ADK: variants seen among roughly 807,000 people sequenced by gnomAD.
ADK encodes the protein adenosine kinase, also known as N6,N6-dimethyladenosine kinase.
Under a neutral mutation model 44.7 loss-of-function variants are expected in ADK, and 24 were observed. The ratio of observed to expected loss-of-function variants is 0.54; its 90% CI spans 0.39 to 0.76. ADK has a LOEUF of 0.76. Among genes scored for constraint, ADK ranks in the 30% least tolerant of loss-of-function variants. The probability of loss-of-function intolerance (pLI) is 0.00; values close to 1 mark genes in which losing one functional copy is unlikely to be tolerated. For missense variants in ADK, 321 were observed against 425.1 expected, an observed-to-expected ratio of 0.76 and a Z score of 2.15; for synonymous variants, 128 against 142.6, an observed-to-expected ratio of 0.90 and a Z score of 0.73.
At chr10:74,161,536 T>A (rs1841898183) in intron 1 of ADK, among the ~76,000 whole-genome samples, 1 of 152,032 alleles carries the variant, frequency 6.6e-6, no homozygotes, top group African/African-American at 2.4e-5. Context: ...TAATTAATTT[T>A]TTTTTTGTTT....
At chr10:74,269,127 CT>C (rs1440873604) in intron 3 of ADK, among the ~76,000 whole-genome samples, 1 of 151,940 alleles carries the variant, frequency 6.6e-6, no homozygotes, top group Non-Finnish European at 1.5e-5. Flanking sequence ...GAAAATATTG[CT>C]TGTATTTATC....
At chr10:74,544,327 C>T (rs899014494) in intron 7 of ADK, among the ~76,000 whole-genome samples, 2 of 152,120 alleles carry the variant, frequency 1.3e-5, no homozygotes, top group Non-Finnish European at 2.9e-5. Context: ...AGTGAGTCGC[C>T]CCATCAGCAT....
At chr10:74,398,648 A>G (rs1376441819) in intron 6 of ADK, 69 bp downstream of exon 6, 9 of 800,930 alleles carry the variant, frequency 1.1e-5, no homozygotes, top group Non-Finnish European at 1.8e-5. Flanking sequence ...TGTCTGATAT[A>G]TATTTTAAAA....
chr10:74,568,363 G>A (rs1564796371), intron 7 of ADK, among the ~76,000 whole-genome samples: 1 of 152,098 alleles, frequency 6.6e-6, no homozygotes, highest in East Asian at 1.9e-4. Context: ...CAGCATCAAT[G>A]TTGAGAACTT....
chr10:74,247,224 GTTTTTTT>G (rs142274121), intron 3 of ADK, among the ~76,000 whole-genome samples: 2 of 72,004 alleles, frequency 2.8e-5, no homozygotes, highest in Non-Finnish European at 4.7e-5. Context: ...TTTTTTTTAA[GTTTTTTT>G]TTTTTTTTTT....
chr10:74,268,575 G>C (rs568866357), intron 3 of ADK, among the ~76,000 whole-genome samples: 2 of 152,090 alleles, frequency 1.3e-5, no homozygotes, highest in Non-Finnish European at 2.9e-5. Context: ...GCATATATTA[G>C]ATATTACAGA....
At chr10:74,165,538 C>A (rs1241644042) in intron 1 of ADK, among the ~76,000 whole-genome samples, 1 of 149,862 alleles carries the variant, frequency 6.7e-6, no homozygotes, top group Non-Finnish European at 1.5e-5. Context: ...CAAGTACTTT[C>A]ACTTACATTT....
chr10:74,708,224 T>G, intron 10 of ADK, 97 bp from the exon 11 acceptor site: 5 of 1,340,966 alleles, frequency 3.7e-6, no homozygotes, highest in Non-Finnish European at 5.2e-6. Flanking sequence ...GGCTGAAGAA[T>G]GAGACAGGTG....
intron 1 of ADK, among the ~76,000 whole-genome samples, chr10:74,171,783 ACTCT>A (rs1271328951): frequency 1.4e-5 from 2 of 138,452 alleles, no homozygotes; most frequent in African/African-American, 2.8e-5. Context: ...CTCAGCGCTC[ACTCT>A]CTTTCTGTCT....
chr10:74,673,715 C>T (rs573024111), intron 10 of ADK, among the ~76,000 whole-genome samples: 1 of 152,302 alleles, frequency 6.6e-6, no homozygotes, highest in African/African-American at 2.4e-5. Context: ...ACACTCATGG[C>T]ACCCGAGTTC....
chr10:74,320,320 A>C (rs930168222), intron 4 of ADK, among the ~76,000 whole-genome samples: 4 of 152,160 alleles, frequency 2.6e-5, no homozygotes, highest in Admixed American at 2.0e-4. Flanking sequence ...TCTGATGAGA[A>C]TTAGTTCTTA....
intron 6 of ADK, among the ~76,000 whole-genome samples, chr10:74,409,610 C>T (rs796177465): frequency 6.6e-6 from 1 of 152,016 alleles, no homozygotes; most frequent in Admixed American, 6.6e-5. Context: ...TTATTTATAA[C>T]TCTGTCTTGA....
At position 74,321,083 on chromosome 10, in the gene ADK, G is replaced by A. The variant is rs140187347; in HGVS notation, c.273+6338G>A. Among the ~76,000 whole-genome samples, 188 of 152,018 alleles carry A rather than the reference G, an allele frequency of 1.2e-3. 1 individual carries two copies. The highest frequency in any genetic ancestry group is 3.5e-3 in the African/African-American group (147 of 41,446). On this transcript the variant is annotated intron_variant, in intron 4 of 10. Coordinates refer to ENST00000539909, the MANE Select transcript of ADK (RefSeq NM_006721.4). ...GTATTTCTATTTAAGTTGTAAGTTC[G>A]CTTGTTTTTAAGCTTCCTGCAATTT...
At chr10:74,248,481 C>T (rs1845517426) in intron 3 of ADK, among the ~76,000 whole-genome samples, 1 of 152,058 alleles carries the variant, frequency 6.6e-6, no homozygotes, top group Admixed American at 6.5e-5. Flanking sequence ...GCCTTTGCCT[C>T]CCGAGTAGCT....
chr10:74,223,262 CTTCTT>C (rs1208733188), intron 2 of ADK, among the ~76,000 whole-genome samples: 1 of 152,076 alleles, frequency 6.6e-6, no homozygotes, highest in Non-Finnish European at 1.5e-5. Flanking sequence ...GGTCTCTTCT[CTTCTT>C]TTAAAGCCAC....
At chr10:74,482,892 C>T (rs1227241986) in intron 6 of ADK, among the ~76,000 whole-genome samples, 2 of 152,178 alleles carry the variant, frequency 1.3e-5, no homozygotes, top group Admixed American at 1.3e-4. Context: ...CTGCAGGGCT[C>T]AGCTCCCATG....
At chr10:74,258,947 G>GTTTTTTTTTTTTTTTTTTTTTTT (rs141424052) in intron 3 of ADK, among the ~76,000 whole-genome samples, 1 of 96,128 alleles carries the variant, frequency 1.0e-5, no homozygotes, top group Non-Finnish European at 2.1e-5. Context: ...TTGTTTTTGT[G>GTTTTTTTTTTTTTTTTTTTTTTT]TTTTTTTTTT....
At chr10:74,412,404 G>A (rs145178058) in intron 6 of ADK, among the ~76,000 whole-genome samples, 577 of 152,232 alleles carry the variant, frequency 3.8e-3, no homozygotes, top group African/African-American at 0.013. Context: ...GCCTCCCAAA[G>A]CGCTGGGATT....
At chr10:74,666,239 A>C (rs1474356191) in intron 9 of ADK, among the ~76,000 whole-genome samples, 1 of 152,140 alleles carries the variant, frequency 6.6e-6, no homozygotes, top group East Asian at 1.9e-4. Flanking sequence ...TGAAGAGTAA[A>C]TTATTTGTAT....
Sources: allele counts gnomAD v4.1 joint callset (sites outside exome capture counted in the v4.1 genomes callset), GRCh38; gene constraint gnomAD v4.1.1; transcripts MANE v1.5; gene names NCBI Gene and HGNC (gene_info 2026-07-23, HGNC 2026-07-21).